The following DENND1A variants were observed in gnomAD, a reference collection of about 807,000 sequenced individuals.
The protein encoded by DENND1A is DENN domain-containing protein 1A.
DENND1A carries 51 observed loss-of-function variants against 113.7 expected under a neutral mutation model. That is an observed-to-expected ratio of 0.45 (90% CI 0.36 to 0.57). The LOEUF is 0.57. Ranked by LOEUF, DENND1A falls within the 20% of genes least tolerant of loss-of-function variation. DENND1A has a pLI of 0.00. For synonymous variants in DENND1A, 565 were observed against 570.8 expected (o/e 0.99, Z 0.14); for missense variants, 1,258 against 1,395.9 (o/e 0.90, Z 1.57).
At chr9:123,711,513 G>GTATATATATATATATATA (rs56814463) in intron 5 of DENND1A, among the ~76,000 whole-genome samples, 92 of 120,892 alleles carry the variant, frequency 7.6e-4, no homozygotes, top group Admixed American at 1.9e-3. Flanking sequence ...ATGTATATAT[G>GTATATATATATATATATA]TATATATATA....
intron 2 of DENND1A, among the ~76,000 whole-genome samples, chr9:123,871,999 G>A (rs1846692841): frequency 6.6e-6 from 1 of 152,178 alleles, no homozygotes; most frequent in Non-Finnish European, 1.5e-5. Context: ...GGACCTTGCA[G>A]GCTGATCTCT....
chr9:123,688,576 C>T (rs2064970898), intron 5 of DENND1A, among the ~76,000 whole-genome samples: 1 of 152,136 alleles, frequency 6.6e-6, no homozygotes, highest in Non-Finnish European at 1.5e-5. Context: ...AATGGTTGGG[C>T]CGCCCTGAAA....
chr9:123,675,495 G>A (rs1000035749), intron 6 of DENND1A, among the ~76,000 whole-genome samples: 3 of 152,042 alleles, frequency 2.0e-5, no homozygotes, highest in Non-Finnish European at 4.4e-5. Flanking sequence ...CCATTTCTCA[G>A]AACTAACACT....
intron 13 of DENND1A, among the ~76,000 whole-genome samples, chr9:123,494,673 A>T (rs1468448033): frequency 2.0e-5 from 3 of 152,208 alleles, no homozygotes; most frequent in Admixed American, 2.0e-4. Context: ...GCCTATGCAC[A>T]AGTGCCTACT....
intron 3 of DENND1A, among the ~76,000 whole-genome samples, chr9:123,787,085 G>C (rs1254939853): frequency 2.0e-5 from 3 of 152,024 alleles, no homozygotes; most frequent in African/African-American, 7.2e-5. Context: ...AGCCACTGTC[G>C]AAAGACTGGC....
rs1028560899 is a variant in DENND1A, at chr9:123,417,382, T to C, written c.1489-5553A>G. Among the ~76,000 whole-genome samples the C allele has an allele frequency of 4.6e-5, 7 of 152,246 alleles. No individual in the cohort carries two copies. In the South Asian group the frequency reaches 6.2e-4, roughly 13 times the overall value. ...ATGATGTGTTTTCCTTTCAAAGCAT[T>C]TTAACTTCTGTTCTTTCTTTTGAAC... On this transcript the variant is annotated intron_variant, in intron 19 of 23. Transcript: ENST00000394215.
chr9:123,892,935 T>C (rs563719838), intron 1 of DENND1A, among the ~76,000 whole-genome samples: 1 of 151,938 alleles, frequency 6.6e-6, no homozygotes, highest in Non-Finnish European at 1.5e-5. Context: ...GGAGCCGAGA[T>C]CGCGCCACTG....
At chr9:123,574,173 C>CTTTTTTTTTTTTTTTT (rs542615815) in intron 12 of DENND1A, among the ~76,000 whole-genome samples, 19 of 110,122 alleles carry the variant, frequency 1.7e-4, no homozygotes, top group East Asian at 5.4e-4. Context: ...CTGTAGTTGC[C>CTTTTTTTTTTTTTTTT]TTTTTTTTTT....
In DENND1A at chr9:123,717,484, T is replaced by C. The variant is rs75457420; in HGVS notation, c.302+40219A>G. The stretch of plus-strand genomic sequence containing the variant: ...ACACAGTTACTGGGTAGAGTAAGGA[T>C]TCCAACCTAGGTTTGTCTGATGCCA... On this transcript the variant is annotated intron_variant, in intron 5 of 23. Coordinates refer to ENST00000394215, the MANE Select transcript of DENND1A (RefSeq NM_001352964.2). Among the ~76,000 whole-genome samples the C allele has an allele frequency of 7.0e-3, 1,059 of 152,318 alleles. 12 individuals carry two copies. The highest frequency in any genetic ancestry group is 0.024 in the African/African-American group (1,010 of 41,578).
At chr9:123,702,557 C>A (rs2065944867) in intron 5 of DENND1A, among the ~76,000 whole-genome samples, 1 of 152,074 alleles carries the variant, frequency 6.6e-6, no homozygotes. Flanking sequence ...CTGAAAGCAG[C>A]AAGACAAAAG....
At chr9:123,512,067 C>A (rs1329571788) in intron 13 of DENND1A, among the ~76,000 whole-genome samples, 1 of 152,126 alleles carries the variant, frequency 6.6e-6, no homozygotes, top group Admixed American at 6.5e-5. Context: ...ACTAAAAGCT[C>A]CAAACAAGAA....
At chr9:123,837,372 A>G (rs1841193394) in intron 2 of DENND1A, among the ~76,000 whole-genome samples, 2 of 152,192 alleles carry the variant, frequency 1.3e-5, no homozygotes, top group South Asian at 4.1e-4. Context: ...AAGTTAAAGG[A>G]GAAAACACAA....
chr9:123,877,643 G>A (rs550662564), intron 2 of DENND1A, among the ~76,000 whole-genome samples: 1 of 152,158 alleles, frequency 6.6e-6, no homozygotes, highest in African/African-American at 2.4e-5. Context: ...GGCCAACATG[G>A]TGAAACCTGT....
intron 9 of DENND1A, among the ~76,000 whole-genome samples, chr9:123,639,786 A>AC (rs1564865645): frequency 2.6e-5 from 4 of 151,372 alleles, no homozygotes; most frequent in African/African-American, 7.3e-5. Context: ...TCAAAAAAAA[A>AC]AAAAAAAAAA....
At chr9:123,578,868 G>T (rs1310227769) in intron 12 of DENND1A, among the ~76,000 whole-genome samples, 1 of 151,882 alleles carries the variant, frequency 6.6e-6, no homozygotes, top group African/African-American at 2.4e-5. Context: ...GCATGTGTTT[G>T]TGTGTGTGTG....
intron 13 of DENND1A, among the ~76,000 whole-genome samples, chr9:123,460,688 G>A (rs965554633): frequency 4.6e-5 from 7 of 152,192 alleles, no homozygotes; most frequent in South Asian, 2.1e-4. Context: ...CTACCTTGGC[G>A]TAGGCCTGGA....
At chr9:123,489,566 G>A (rs1411347536) in intron 13 of DENND1A, among the ~76,000 whole-genome samples, 1 of 152,228 alleles carries the variant, frequency 6.6e-6, no homozygotes, top group East Asian at 1.9e-4. Context: ...CCCAGTTACA[G>A]CTTGTTGTTG....
At chr9:123,733,876 C>T (rs1002000229) in intron 5 of DENND1A, among the ~76,000 whole-genome samples, 2 of 152,108 alleles carry the variant, frequency 1.3e-5, no homozygotes, top group African/African-American at 4.8e-5. Context: ...CCATGTTGGC[C>T]AGGCTGGTCT....
Position 123,768,798 on chromosome 9 carries a change from TA to T in DENND1A, c.182+715del, listed in dbSNP as rs534848029. On this transcript the variant is annotated intron_variant, in intron 4 of 23. Coordinates refer to ENST00000394215, the MANE Select transcript of DENND1A (RefSeq NM_001352964.2). ...TAGTTAATACATTAGTTTTATAAAG[TA>T]AAAAAAAAAAACTCCTCTAAAATTC... Among the ~76,000 whole-genome samples the T allele has an allele frequency of 5.4e-3, 646 of 119,242 alleles. 2 individuals carry two copies. Among genetic ancestry groups the T allele is most frequent in the Middle Eastern group, 0.033 (6 of 182 alleles). 78.2% of individuals were successfully genotyped at this position (119,242 alleles called of 152,430 possible).
Sources: gnomAD v4.1 joint callset for allele counts (sites outside exome capture counted in the v4.1 genomes callset) on GRCh38, gnomAD v4.1.1 for gene constraint, MANE v1.5 for transcripts, NCBI Gene and HGNC (gene_info 2026-07-23, HGNC 2026-07-21) for gene names.